Variants in MGAT4C observed in about 807,000 individuals in gnomAD.
MGAT4C encodes the protein alpha-1,3-mannosyl-glycoprotein 4-beta-N-acetylglucosaminyltransferase C.
In MGAT4C, 19 loss-of-function variants were observed where a neutral mutation model predicts 40.1. The observed-to-expected ratio is 0.47, with a 90% CI of 0.33 to 0.70. The LOEUF is 0.70. Ranked by LOEUF, MGAT4C falls within the 30% of genes least tolerant of loss-of-function variation. MGAT4C has a pLI of 0.02. For missense variants in MGAT4C, 491 were observed against 563.2 expected (o/e 0.87, Z 1.30); for synonymous variants, 181 against 187.1 (o/e 0.97, Z 0.27).
At chr12:86,484,576 C>T (rs1281593488) in intron 2 of MGAT4C, among the ~76,000 whole-genome samples, 2 of 152,150 alleles carry the variant, frequency 1.3e-5, no homozygotes, top group Non-Finnish European at 2.9e-5. Flanking sequence ...AGTGTTGATC[C>T]CAATCCCTCA....
intron 2 of MGAT4C, among the ~76,000 whole-genome samples, chr12:86,038,262 G>A (rs1020287452): frequency 6.7e-6 from 1 of 149,828 alleles, no homozygotes; most frequent in African/African-American, 2.4e-5. Flanking sequence ...GAGCCAGCAA[G>A]TCTAGACTCA....
At chr12:86,229,712 TC>T (rs1566183511) in intron 1 of MGAT4C, among the ~76,000 whole-genome samples, 1 of 151,992 alleles carries the variant, frequency 6.6e-6, no homozygotes, top group East Asian at 1.9e-4. Context: ...AAGATGAGCA[TC>T]TTAAAATGGA....
intron 2 of MGAT4C, among the ~76,000 whole-genome samples, chr12:86,672,768 A>T (rs1483676259): frequency 1.3e-5 from 2 of 152,158 alleles, no homozygotes; most frequent in African/African-American, 4.8e-5. Flanking sequence ...GGAGGTTGGC[A>T]GGCAGGGAAA....
chr12:86,487,608 A>T (rs1321278173), intron 2 of MGAT4C, among the ~76,000 whole-genome samples: 3 of 152,182 alleles, frequency 2.0e-5, no homozygotes, highest in African/African-American at 7.2e-5. Context: ...AAGATTTTCT[A>T]TTTCTAACTA....
At chr12:86,776,720 TGTGA>T (rs1225018743) in intron 1 of MGAT4C, among the ~76,000 whole-genome samples, 18 of 152,196 alleles carry the variant, frequency 1.2e-4, no homozygotes, top group African/African-American at 2.4e-4. Flanking sequence ...GCAAAATTAT[TGTGA>T]GTAATAATTG....
intron 1 of MGAT4C, among the ~76,000 whole-genome samples, chr12:86,170,494 A>G (rs1474782812): frequency 1.3e-5 from 2 of 152,190 alleles, no homozygotes; most frequent in African/African-American, 4.8e-5. Context: ...GTATAATGTT[A>G]TGCATTAGTA....
chr12:86,264,695 C>T (rs111577923), intron 4 of MGAT4C, among the ~76,000 whole-genome samples: 10,729 of 151,950 alleles, frequency 0.071, 915 homozygotes, highest in East Asian at 0.24. Context: ...CAAGCCATGG[C>T]TACGGACCCA....
intron 2 of MGAT4C, among the ~76,000 whole-genome samples, chr12:86,676,441 A>G (rs1964401970): frequency 6.6e-6 from 1 of 152,176 alleles, no homozygotes; most frequent in Admixed American, 6.6e-5. Flanking sequence ...AATCTGAATT[A>G]GCAAAACAAA....
intron 1 of MGAT4C, among the ~76,000 whole-genome samples, chr12:86,811,708 T>C (rs1285850617): frequency 1.3e-5 from 2 of 151,462 alleles, no homozygotes; most frequent in African/African-American, 2.4e-5. Context: ...ATATTGACAA[T>C]TTGTGTTTTC....
Position 86,493,689 on chromosome 12 carries a change from C to T in MGAT4C, c.-228-58424G>A, listed in dbSNP as rs1184760553. Among the ~76,000 whole-genome samples, 7 of 151,822 alleles carry T rather than the reference C, an allele frequency of 4.6e-5. No homozygotes were observed. The East Asian group carries it at 1.4e-3, about 29-fold the overall frequency. On this transcript the variant is annotated intron_variant, in intron 2 of 7. Transcript: ENST00000548651. The stretch of plus-strand genomic sequence containing the variant: ...GGAGGGATAGCATTAGGAGATATAC[C>T]TAATGCTATATGACGAGTTAATGGA...
chr12:86,518,732 C>T (rs575129411), intron 2 of MGAT4C, among the ~76,000 whole-genome samples: 1 of 152,226 alleles, frequency 6.6e-6, no homozygotes, highest in East Asian at 1.9e-4. Flanking sequence ...GACTTGCACA[C>T]TACTACTTCT....
chr12:86,368,117 T>G (rs994437945), intron 3 of MGAT4C, among the ~76,000 whole-genome samples: 1 of 152,194 alleles, frequency 6.6e-6, no homozygotes, highest in Non-Finnish European at 1.5e-5. Flanking sequence ...AAGACAAAGT[T>G]AATATGGGGT....
chr12:86,083,348 TC>T (rs1871193784), intron 1 of MGAT4C, among the ~76,000 whole-genome samples: 1 of 152,032 alleles, frequency 6.6e-6, no homozygotes, highest in Non-Finnish European at 1.5e-5. Flanking sequence ...CCAGATTGTT[TC>T]AAAATATAAA....
chr12:86,230,868 C>A (rs74560729), intron 1 of MGAT4C, among the ~76,000 whole-genome samples: 11,080 of 72,148 alleles, frequency 0.15, 566 homozygotes, highest in Middle Eastern at 0.37. Context: ...TCAAACACTC[C>A]CTTTTTTTTT....
intron 4 of MGAT4C, among the ~76,000 whole-genome samples, chr12:86,261,754 T>C (rs1952662906): frequency 6.6e-6 from 1 of 152,082 alleles, no homozygotes; most frequent in Admixed American, 6.5e-5. Flanking sequence ...TGTTGTACCT[T>C]GGGGTTTCAC....
intron 4 of MGAT4C, among the ~76,000 whole-genome samples, chr12:86,329,152 G>T (rs1226697084): frequency 7.1e-6 from 1 of 141,174 alleles, no homozygotes; most frequent in Non-Finnish European, 1.6e-5. Context: ...AAATAAAATA[G>T]AACAAGATGT....
At chr12:86,502,918 CATATAT>C (rs754071188) in intron 2 of MGAT4C, among the ~76,000 whole-genome samples, 2 of 778 alleles carry the variant, frequency 2.6e-3, no homozygotes, top group African/African-American at 6.3e-3. Context: ...GAGTTCTGCT[CATATAT>C]ATATATATAT....
intron 2 of MGAT4C, among the ~76,000 whole-genome samples, chr12:86,536,414 T>G (rs950818086): frequency 6.6e-6 from 1 of 152,008 alleles, no homozygotes; most frequent in Non-Finnish European, 1.5e-5. Flanking sequence ...AATAAAAATT[T>G]TGAAAAAAGG....
At chr12:86,755,513 A>G (rs1035075314) in intron 1 of MGAT4C, among the ~76,000 whole-genome samples, 1 of 152,104 alleles carries the variant, frequency 6.6e-6, no homozygotes, top group African/African-American at 2.4e-5. Context: ...CAGTGCTAAT[A>G]AGATCTTAAT....
Sources: gnomAD v4.1 joint callset for allele counts (sites outside exome capture counted in the v4.1 genomes callset) on GRCh38, gnomAD v4.1.1 for gene constraint, MANE v1.5 for transcripts, NCBI Gene and HGNC (gene_info 2026-07-23, HGNC 2026-07-21) for gene names.